Variants in MPZ observed in about 807,000 individuals in gnomAD.
MPZ encodes the protein myelin protein zero.
A neutral mutation model predicts 27.9 loss-of-function variants in MPZ; 13 were observed. The ratio of observed to expected loss-of-function variants is 0.47; its 90% CI spans 0.30 to 0.74. The LOEUF (loss-of-function observed/expected upper bound fraction) is 0.74, where lower values mean the gene tolerates loss of function less well. MPZ is among the 30% of genes least tolerant of loss of function. The probability of loss-of-function intolerance (pLI) is 0.06; values close to 1 mark genes in which losing one functional copy is unlikely to be tolerated. For synonymous variants in MPZ, 118 were observed against 128.9 expected, an observed-to-expected ratio of 0.92 and a Z score of 0.57; for missense variants, 256 against 317.5, an observed-to-expected ratio of 0.81 and a Z score of 1.47.
At position 161,305,677 on chromosome 1, in the gene MPZ, G is replaced by C; in HGVS notation, c.*199C>G. On this transcript the variant is annotated 3_prime_UTR_variant, in exon 6 of 6. Coordinates refer to ENST00000533357, the MANE Select transcript of MPZ (RefSeq NM_000530.8). Reference sequence around the variant, plus strand: ...CTCTGGCAGGGCCTGGGGTGGGGGGGTGGCGATCACTTGTCCGAGTTCAGG... The same window carrying C: ...CTCTGGCAGGGCCTGGGGTGGGGGGCTGGCGATCACTTGTCCGAGTTCAGG... 5 of 591,524 alleles carry C rather than the reference G, an allele frequency of 8.5e-6. No individual in the cohort carries two copies. The highest frequency in any genetic ancestry group is 8.3e-5 in the South Asian group (4 of 48,012). 36.6% of individuals were successfully genotyped at this position (591,524 alleles called of 1,614,324 possible).
chr1:161,306,588 T>C, intron 3 of MPZ, 120 bp downstream of exon 3: 2 of 1,542,514 alleles, frequency 1.3e-6, no homozygotes, highest in African/African-American at 1.4e-5. Context: ...CTGCCCACGC[T>C]CCCAGAGCCT....
intron 1 of MPZ, among the ~76,000 whole-genome samples, chr1:161,308,886 C>T (rs191407626): frequency 1.8e-3 from 272 of 152,224 alleles, no homozygotes; most frequent in African/African-American, 6.0e-3. Flanking sequence ...TAGCCCAGTA[C>T]AACCCAGAAG....
At position 161,305,623 on chromosome 1, in the gene MPZ, C is replaced by A. The variant is rs1468925615; in HGVS notation, c.*253G>T. 7.9e-6 allele frequency: 4 copies of A among 507,632 alleles called. No homozygotes were observed. In the East Asian group the frequency reaches 9.6e-5, roughly 12 times the overall value. The allele number at this position is 507,632 out of a possible 1,614,324, so 31.4% of individuals were successfully genotyped here. Reference sequence around the variant, plus strand: ...GGAGCAAAGAGGGAAAGCACCTAGACGGGGGTAAGAGGAGCCTAGGTCCCC... The same window carrying A: ...GGAGCAAAGAGGGAAAGCACCTAGAAGGGGGTAAGAGGAGCCTAGGTCCCC... On this transcript the variant is annotated 3_prime_UTR_variant, in exon 6 of 6. Coordinates refer to ENST00000533357, the MANE Select transcript of MPZ (RefSeq NM_000530.8).
At chr1:161,309,552 A>ATATTTTTTTTTTTTTTTTTTTTT in intron 1 of MPZ, among the ~76,000 whole-genome samples, 7 of 80,646 alleles carry the variant, frequency 8.7e-5, no homozygotes, top group South Asian at 3.8e-4. Flanking sequence ...ATATATATAT[A>ATATTTTTTTTTTTTTTTTTTTTT]TTTTTTTTTT....
downstream of MPZ, among the ~76,000 whole-genome samples, chr1:161,303,869 T>A (rs972792090): frequency 6.6e-6 from 1 of 152,246 alleles, no homozygotes; most frequent in Non-Finnish European, 1.5e-5. Context: ...TGATTTTTTT[T>A]AAAAGACATT....
In MPZ at chr1:161,306,173, A is replaced by G. The variant is rs1026836999; in HGVS notation, c.585-5T>C. On this transcript the variant is annotated splice_region_variant and splice_polypyrimidine_tract_variant and intron_variant, in intron 4 of 5. Transcript: ENST00000533357. ...AATTTCCCCTTCTCCATAGCACTGC[A>G]AGAAGAGAGACTGCTGTACGTTTGG... The G allele has an allele frequency of 5.6e-6, 9 of 1,614,018 alleles. No homozygotes were observed. In the African/African-American group the frequency reaches 1.2e-4, roughly 22 times the overall value.
rs1303858319 is a variant in MPZ, at chr1:161,307,276, C to T, written c.216G>A (p.Gly72=). The change falls in exon 2 of 6, where the codon GGG becomes GGA. Residue 72 remains glycine, a synonymous_variant. Transcript: ENST00000533357. Reference sequence around the variant, plus strand: ...CACTCACCGAAATGGCATCTCTGCCCCCTTCGGGCTGGTAGCGCCAGGTGA... The same window carrying T: ...CACTCACCGAAATGGCATCTCTGCCTCCTTCGGGCTGGTAGCGCCAGGTGA... ...ISFTWRYQPE[G]GRDAISIFHY... 3.1e-6 allele frequency: 5 copies of T among 1,614,252 alleles called. 1 individual carries two copies. Among genetic ancestry groups the T allele is most frequent in the Middle Eastern group, 1.6e-4 (1 of 6,062 alleles).
intron 4 of MPZ, 30 bp downstream of exon 4, chr1:161,306,299 G>T (rs374021579): frequency 6.2e-7 from 1 of 1,613,970 alleles, no homozygotes; most frequent in Non-Finnish European, 8.5e-7. Context: ...AGTGGGGAGA[G>T]GGGGAGGGGA....
At position 161,305,674 on chromosome 1, in the gene MPZ, G is replaced by C. The variant is rs1182883027; in HGVS notation, c.*202C>G. 1.0e-5 allele frequency: 6 copies of C among 592,044 alleles called. No individual in the cohort carries two copies. The highest frequency in any genetic ancestry group is 1.5e-5 in the Non-Finnish European group (5 of 333,126). 36.7% of individuals were successfully genotyped at this position (592,044 alleles called of 1,614,324 possible). The stretch of plus-strand genomic sequence containing the variant: ...CTGCTCTGGCAGGGCCTGGGGTGGG[G>C]GGGTGGCGATCACTTGTCCGAGTTC... On this transcript the variant is annotated 3_prime_UTR_variant, in exon 6 of 6. Transcript: ENST00000533357.
chr1:161,309,552 A>ATATATATTTTTTTTTTTT, intron 1 of MPZ, among the ~76,000 whole-genome samples: 22 of 80,634 alleles, frequency 2.7e-4, no homozygotes, highest in South Asian at 3.8e-4. Context: ...ATATATATAT[A>ATATATATTTTTTTTTTTT]TTTTTTTTTT....
At position 161,305,944 on chromosome 1, in the gene MPZ, T is replaced by C. The variant is rs1571817154; in HGVS notation, c.679A>G (p.Arg227Gly). The C allele has an allele frequency of 6.2e-7, 1 of 1,614,038 alleles. No homozygotes were observed. Among genetic ancestry groups the C allele is most frequent in the Non-Finnish European group, 8.5e-7 (1 of 1,179,960 alleles). ...PVLYAMLDHSRSTKAVSEKKA... is the reference protein window; with the variant it reads ...PVLYAMLDHSGSTKAVSEKKA... ...TTCTCACTGACAGCTTTGGTGCTTCTGCTGTGGTCCAGCATTGCATACAGC... is the reference window on the plus strand; with the variant it reads ...TTCTCACTGACAGCTTTGGTGCTTCCGCTGTGGTCCAGCATTGCATACAGC... The change falls in exon 6 of 6, where the codon AGA (arginine) becomes GGA (glycine). Residue 227 changes from arginine (R) to glycine (G), a missense_variant. Around this residue, in one of 2 missense-constraint regions of MPZ, gnomAD observed 101 missense variants for 93.6 expected, o/e 1.08. Transcript: ENST00000533357.
Position 161,306,153 on chromosome 1 carries a change from C to G in MPZ, c.600G>C (p.Gly200=). Residue 200 remains glycine (G), a synonymous_variant, in exon 5 of 6, where the codon GGG becomes GGC. Coordinates refer to ENST00000533357, the MANE Select transcript of MPZ (RefSeq NM_000530.8). ...LQRRLSAMEK[G]KLHKPGKDAS... ...CGTCCTTTCCTGGCTTGTGCAATTTCCCCTTCTCCATAGCACTGCAAGAAG... is the reference window on the plus strand; with the variant it reads ...CGTCCTTTCCTGGCTTGTGCAATTTGCCCTTCTCCATAGCACTGCAAGAAG... 6.2e-7 allele frequency: 1 copy of G among 1,614,202 alleles called. No homozygotes were observed.
downstream of MPZ, among the ~76,000 whole-genome samples, chr1:161,303,728 C>T (rs1306018447): frequency 3.3e-5 from 5 of 152,214 alleles, no homozygotes; most frequent in African/African-American, 1.2e-4. Context: ...AGCATCTTAA[C>T]TAATAAGGAA....
rs143948355 is a variant in MPZ at position 161,308,161 on chromosome 1, A to G, written c.68-737T>C. Reference sequence around the variant, plus strand: ...AGATTTCTTGCAGAAAAAAATGAAGATAACTAGAAAATATAAGTCTTCTTC... The same window carrying G: ...AGATTTCTTGCAGAAAAAAATGAAGGTAACTAGAAAATATAAGTCTTCTTC... On this transcript the variant is annotated intron_variant, in intron 1 of 5. Transcript: ENST00000533357. Among the ~76,000 whole-genome samples, 29 of 152,326 alleles carry G rather than the reference A, an allele frequency of 1.9e-4. No homozygotes were observed. In the East Asian group the frequency reaches 5.6e-3, roughly 29 times the overall value.
At chr1:161,307,797 C>T (rs1245082152) in intron 1 of MPZ, among the ~76,000 whole-genome samples, 1 of 152,136 alleles carries the variant, frequency 6.6e-6, no homozygotes, top group Non-Finnish European at 1.5e-5. Context: ...ACAGGTAATA[C>T]ATATTGTACT....
intron 5 of MPZ, 32 bp from the exon 6 acceptor site, chr1:161,306,009 G>A: frequency 1.9e-6 from 3 of 1,610,146 alleles, no homozygotes; most frequent in Non-Finnish European, 2.6e-6. Flanking sequence ...CAGTCACCGA[G>A]CGACTGGGGC....
At chr1:161,309,691 C>G (rs1182130627) in intron 1 of MPZ, 148 bp downstream of exon 1, 3 of 733,858 alleles carry the variant, frequency 4.1e-6, no homozygotes, top group Non-Finnish European at 7.2e-6. Context: ...CATGCCCAGC[C>G]GCATATTTTT....
chr1:161,305,156 G>C lies in MPZ; in HGVS notation c.*720C>G, dbSNP rs1670199600. 1 of 152,896 alleles carries C rather than the reference G, an allele frequency of 6.5e-6. No individual in the cohort carries two copies. The highest frequency in any genetic ancestry group is 2.4e-5 in the African/African-American group (1 of 41,422). The allele number at this position is 152,896 out of a possible 1,614,324, so 9.5% of individuals were successfully genotyped here. ...ACGTCATTGGTCCTCAGTCATGGGTGTAAGGGCAGAGGATGAGCACAGGTA... is the reference window on the plus strand; with the variant it reads ...ACGTCATTGGTCCTCAGTCATGGGTCTAAGGGCAGAGGATGAGCACAGGTA... On this transcript the variant is annotated 3_prime_UTR_variant, in exon 6 of 6. Coordinates refer to ENST00000533357, the MANE Select transcript of MPZ (RefSeq NM_000530.8).
chr1:161,307,446 T>A (rs1181211672), intron 1 of MPZ, 22 bp from the exon 2 acceptor site: 2 of 1,613,534 alleles, frequency 1.2e-6, no homozygotes, highest in African/African-American at 2.7e-5. Flanking sequence ...AAGTGGGGAA[T>A]CAGATGCACC....
Sources: allele counts gnomAD v4.1 joint callset (sites outside exome capture counted in the v4.1 genomes callset), GRCh38; gene constraint gnomAD v4.1.1; regional missense constraint gnomAD v4.1.1; transcripts MANE v1.5; gene names NCBI Gene and HGNC (gene_info 2026-07-23, HGNC 2026-07-21).